Variants in JAK1 observed in about 807,000 individuals in gnomAD.
The protein encoded by JAK1 is Janus kinase 1.
In JAK1, 16 loss-of-function variants were observed where a neutral mutation model predicts 136.6. The ratio of observed to expected loss-of-function variants is 0.12; its 90% CI spans 0.08 to 0.18. The LOEUF is 0.18. Among genes scored for constraint, JAK1 ranks in the 10% least tolerant of loss-of-function variants. The probability of loss-of-function intolerance (pLI) is 1.00; values close to 1 mark genes in which losing one functional copy is unlikely to be tolerated. For synonymous variants in JAK1, 492 were observed against 519.5 expected, an observed-to-expected ratio of 0.95 and a Z score of 0.72; for missense variants, 859 against 1,450.1, an observed-to-expected ratio of 0.59 and a Z score of 6.62.
At chr1:64,878,982 T>A (rs1453147623) in intron 4 of JAK1, 43 bp downstream of exon 4, 1 of 1,601,110 alleles carries the variant, frequency 6.2e-7, no homozygotes, top group Non-Finnish European at 8.6e-7. Flanking sequence ...TGTCCCTCAG[T>A]GCAGAGGGAG....
intron 2 of JAK1, chr1:64,973,185 G>T (rs578139575): frequency 9.3e-6 from 1 of 107,880 alleles, no homozygotes; most frequent in Non-Finnish European, 1.8e-5. Context: ...AAGAAAGAAA[G>T]AAAAAGAAAG....
chr1:65,027,268 T>C (rs1446912033), intron 2 of JAK1, among the ~76,000 whole-genome samples: 2 of 151,840 alleles, frequency 1.3e-5, no homozygotes, highest in African/African-American at 2.4e-5. Flanking sequence ...GGTTTCACCA[T>C]GTTGGCCAGG....
chr1:64,909,473 C>A (rs1448390594), intron 1 of JAK1, among the ~76,000 whole-genome samples: 1 of 152,016 alleles, frequency 6.6e-6, no homozygotes. Context: ...GACAAAGAAA[C>A]AGAAAGAGAT....
intron 1 of JAK1, among the ~76,000 whole-genome samples, chr1:64,914,581 T>C (rs555870701): frequency 6.6e-6 from 1 of 152,218 alleles, no homozygotes; most frequent in Non-Finnish European, 1.5e-5. Flanking sequence ...TTTTGTTTTT[T>C]TGAGACAGAG....
intron 1 of JAK1, among the ~76,000 whole-genome samples, chr1:64,923,703 A>G (rs961253954): frequency 6.6e-6 from 1 of 152,194 alleles, no homozygotes; most frequent in Non-Finnish European, 1.5e-5. Context: ...TTTAGAATCA[A>G]GGCCACACAT....
At chr1:64,923,990 A>G (rs1229055778) in intron 1 of JAK1, among the ~76,000 whole-genome samples, 1 of 152,240 alleles carries the variant, frequency 6.6e-6, no homozygotes, top group African/African-American at 2.4e-5. Flanking sequence ...AAGAATATAT[A>G]TTTCAATAGT....
chr1:64,896,722 AAC>A (rs1645018994), intron 1 of JAK1, among the ~76,000 whole-genome samples: 1 of 152,212 alleles, frequency 6.6e-6, no homozygotes, highest in Non-Finnish European at 1.5e-5. Context: ...CTGATTGCCA[AAC>A]ACAGGACACA....
chr1:65,017,593 A>G (rs1439819364), intron 2 of JAK1, among the ~76,000 whole-genome samples: 1 of 152,226 alleles, frequency 6.6e-6, no homozygotes, highest in East Asian at 1.9e-4. Flanking sequence ...GTCCACACAG[A>G]ATATTTCAAA....
At chr1:65,067,226 A>T (rs2100908269) in intron 1 of JAK1, among the ~76,000 whole-genome samples, 1 of 150,170 alleles carries the variant, frequency 6.7e-6, no homozygotes, top group South Asian at 2.1e-4. Context: ...GAGGAGGCTG[A>T]AGGCAGGCGC....
intron 11 of JAK1, 97 bp downstream of exon 11, chr1:64,855,412 G>T: frequency 9.0e-7 from 1 of 1,106,024 alleles, no homozygotes; most frequent in Non-Finnish European, 1.3e-6. Flanking sequence ...TGTGGGGAGG[G>T]TCCACTTTGT....
At chr1:65,012,796 CA>C (rs374552765) in intron 2 of JAK1, among the ~76,000 whole-genome samples, 9,633 of 115,926 alleles carry the variant, frequency 0.083, 421 homozygotes, top group Admixed American at 0.19. Context: ...GACCCTGTCT[CA>C]AAAAAAAAAA....
chr1:65,010,616 G>T (rs1646840633), intron 2 of JAK1, among the ~76,000 whole-genome samples: 1 of 152,168 alleles, frequency 6.6e-6, no homozygotes, highest in Non-Finnish European at 1.5e-5. Flanking sequence ...ACTGTTCATT[G>T]TTGGAAGTCA....
chr1:64,856,047 T>G (rs1170460834), intron 10 of JAK1, among the ~76,000 whole-genome samples: 1 of 152,188 alleles, frequency 6.6e-6, no homozygotes, highest in South Asian at 2.1e-4. Flanking sequence ...TCTAACATGG[T>G]GTATTGAAAA....
chr1:64,903,512 A>G (rs1169498728), intron 1 of JAK1, among the ~76,000 whole-genome samples: 1 of 152,182 alleles, frequency 6.6e-6, no homozygotes, highest in Non-Finnish European at 1.5e-5. Flanking sequence ...ACAATGAAAG[A>G]TACTAGTATT....
In JAK1 at chr1:64,844,039, C is replaced by T. The variant is rs1165140268; in HGVS notation, c.2403+25G>A. On this transcript the variant is annotated intron_variant, in intron 17 of 24. Coordinates refer to ENST00000342505, the MANE Select transcript of JAK1 (RefSeq NM_002227.4). This position sits in a 1 kb window ranked among gnomAD's most constrained non-coding sequence, Gnocchi z 5.7. ...AGCACCTGAAAGCCCTCACTTGCCT[C>T]ACGCCCCGGGAAACACCTGCTCACC... The T allele has an allele frequency of 4.3e-6, 7 of 1,612,394 alleles. No homozygotes were observed. The African/African-American group carries it at 9.3e-5, about 22-fold the overall frequency.
At chr1:65,063,428 C>T (rs1308189794) in intron 1 of JAK1, among the ~76,000 whole-genome samples, 1 of 152,160 alleles carries the variant, frequency 6.6e-6, no homozygotes, top group Non-Finnish European at 1.5e-5. Flanking sequence ...TTGGGGTCCC[C>T]AATCATCACA....
intron 2 of JAK1, among the ~76,000 whole-genome samples, chr1:65,032,822 G>A (rs1165216139): frequency 2.0e-5 from 3 of 152,082 alleles, no homozygotes; most frequent in Non-Finnish European, 4.4e-5. Context: ...CACCTATTAG[G>A]TGCTATGAAA....
chr1:64,962,842 CG>C (rs1163269005), intron 1 of JAK1, among the ~76,000 whole-genome samples: 3 of 152,042 alleles, frequency 2.0e-5, no homozygotes, highest in Admixed American at 6.5e-5. Flanking sequence ...CCAAGGCAGG[CG>C]GATCACTTGA....
chr1:64,992,432 CA>C (rs1443441093), intron 2 of JAK1: 3 of 151,552 alleles, frequency 2.0e-5, no homozygotes, highest in African/African-American at 7.3e-5. Context: ...CTGAAATAGC[CA>C]AAACAATCTT....
Sources: gnomAD v4.1 joint callset for allele counts (sites outside exome capture counted in the v4.1 genomes callset) on GRCh38, gnomAD v4.1.1 for gene constraint, Gnocchi (gnomAD v3.1) non-coding constraint, MANE v1.5 for transcripts, NCBI Gene and HGNC (gene_info 2026-07-23, HGNC 2026-07-21) for gene names.